The following BTBD9 variants were observed in gnomAD, a reference collection of about 807,000 sequenced individuals.
BTBD9 encodes BTB domain containing 9.
BTBD9 carries 49 observed loss-of-function variants against 64.3 expected under a neutral mutation model. That is an observed-to-expected ratio of 0.76 (90% confidence interval 0.61 to 0.97). The LOEUF (loss-of-function observed/expected upper bound fraction) is 0.97. Ranked by LOEUF, BTBD9 falls within the 50% of genes least tolerant of loss-of-function variation. BTBD9 has a pLI of 0.00. For missense variants in BTBD9, 598 were observed against 762.1 expected, an observed-to-expected ratio of 0.78 and a Z score of 2.53; for synonymous variants, 260 against 274.7, an observed-to-expected ratio of 0.95 and a Z score of 0.53.
At chr6:38,526,215 A>G (rs1313873283) in intron 6 of BTBD9, among the ~76,000 whole-genome samples, 7 of 152,224 alleles carry the variant, frequency 4.6e-5, no homozygotes, top group Non-Finnish European at 1.0e-4. Flanking sequence ...AGCCACAGCT[A>G]AAAGTGGCCA....
intron 1 of BTBD9, among the ~76,000 whole-genome samples, chr6:38,630,328 G>A (rs1778320643): frequency 6.6e-6 from 1 of 152,120 alleles, no homozygotes; most frequent in South Asian, 2.1e-4. Flanking sequence ...GCTCTAAAGG[G>A]TATTCATTGA....
intron 6 of BTBD9, among the ~76,000 whole-genome samples, chr6:38,522,087 C>T (rs950580705): frequency 2.6e-5 from 4 of 152,196 alleles, no homozygotes; most frequent in African/African-American, 7.2e-5. Flanking sequence ...TGGGCCTCCT[C>T]CTTTCTGAAG....
chr6:38,568,186 T>C (rs1775607149), intron 6 of BTBD9, among the ~76,000 whole-genome samples: 1 of 152,228 alleles, frequency 6.6e-6, no homozygotes, highest in Non-Finnish European at 1.5e-5. Context: ...AACTCTCCAC[T>C]GACAGAATTA....
intron 10 of BTBD9, among the ~76,000 whole-genome samples, chr6:38,178,304 T>G (rs1581999149): frequency 6.7e-6 from 1 of 149,592 alleles, no homozygotes; most frequent in Non-Finnish European, 1.5e-5. Flanking sequence ...AGGTGACAGG[T>G]GGGGAGGGAA....
chr6:38,179,671 G>A (rs1026014048), intron 10 of BTBD9: 1 of 456,784 alleles, frequency 2.2e-6, no homozygotes, highest in Non-Finnish European at 4.4e-6. Context: ...GCGAGTGGCA[G>A]GCTGGGAATG....
At chr6:38,382,146 A>T (rs1018453494) in intron 6 of BTBD9, among the ~76,000 whole-genome samples, 1 of 152,196 alleles carries the variant, frequency 6.6e-6, no homozygotes, top group African/African-American at 2.4e-5. Flanking sequence ...GCAGTAAGAG[A>T]GCACTGTGGT....
intron 6 of BTBD9, among the ~76,000 whole-genome samples, chr6:38,419,992 C>A (rs1198625880): frequency 1.3e-5 from 2 of 151,976 alleles, no homozygotes; most frequent in African/African-American, 4.8e-5. Context: ...TGATACTAGA[C>A]CTGAAATAGT....
intron 6 of BTBD9, among the ~76,000 whole-genome samples, chr6:38,360,701 A>G (rs564167137): frequency 2.8e-4 from 42 of 152,158 alleles, no homozygotes; most frequent in African/African-American, 9.4e-4. Context: ...TAGGAATATG[A>G]CCCTAGGACC....
At chr6:38,330,147 T>A (rs1489140128) in intron 7 of BTBD9, among the ~76,000 whole-genome samples, 7 of 151,916 alleles carry the variant, frequency 4.6e-5, no homozygotes, top group Non-Finnish European at 1.0e-4. Context: ...CTGCACCTCC[T>A]GGGTTCAAGC....
At chr6:38,626,396 A>C (rs1303100673) in intron 1 of BTBD9, among the ~76,000 whole-genome samples, 2 of 152,148 alleles carry the variant, frequency 1.3e-5, no homozygotes, top group African/African-American at 2.4e-5. Flanking sequence ...TTCAAATACT[A>C]AGTCTTATTC....
chr6:38,318,808 A>G (rs1763123653), intron 7 of BTBD9, among the ~76,000 whole-genome samples: 1 of 152,124 alleles, frequency 6.6e-6, no homozygotes, highest in Non-Finnish European at 1.5e-5. Context: ...GGGCTCTACA[A>G]TCAGCAGGTA....
At chr6:38,557,391 C>G (rs1020900494) in intron 6 of BTBD9, among the ~76,000 whole-genome samples, 1 of 152,114 alleles carries the variant, frequency 6.6e-6, no homozygotes. Context: ...TAGAGTCAGA[C>G]AGACCTCAGC....
At chr6:38,621,940 C>A (rs1186769010) in intron 1 of BTBD9, among the ~76,000 whole-genome samples, 1 of 152,204 alleles carries the variant, frequency 6.6e-6, no homozygotes, top group Non-Finnish European at 1.5e-5. Context: ...TATTCCCTGA[C>A]CAAAACAGAA....
At chr6:38,302,132 A>G (rs543738194) in intron 7 of BTBD9, among the ~76,000 whole-genome samples, 7 of 152,254 alleles carry the variant, frequency 4.6e-5, no homozygotes, top group Admixed American at 3.3e-4. Flanking sequence ...GTAGTGAAAC[A>G]TTCACAATCC....
intron 6 of BTBD9, among the ~76,000 whole-genome samples, chr6:38,498,630 A>AG (rs957489940): frequency 7.9e-5 from 12 of 152,142 alleles, no homozygotes; most frequent in African/African-American, 2.9e-4. Flanking sequence ...GGGCAACATA[A>AG]GGGGACACAT....
At chr6:38,622,957 T>G (rs953026074) in intron 1 of BTBD9, among the ~76,000 whole-genome samples, 1 of 152,032 alleles carries the variant, frequency 6.6e-6, no homozygotes, top group Non-Finnish European at 1.5e-5. Context: ...ATTACTCTCT[T>G]GAATGGTTCC....
intron 6 of BTBD9, among the ~76,000 whole-genome samples, chr6:38,371,163 G>GC (rs1471512569): frequency 6.6e-6 from 1 of 152,182 alleles, no homozygotes. Context: ...GTACTTGGCA[G>GC]CCCCCCATTG....
At chr6:38,292,362 T>C (rs549360654) in intron 7 of BTBD9, among the ~76,000 whole-genome samples, 1 of 152,328 alleles carries the variant, frequency 6.6e-6, no homozygotes, top group East Asian at 1.9e-4. Context: ...CTTCTTTTTC[T>C]ATTGTTTGGA....
chr6:38,327,635 T>C (rs577674935), intron 7 of BTBD9, among the ~76,000 whole-genome samples: 22 of 152,338 alleles, frequency 1.4e-4, no homozygotes, highest in African/African-American at 5.3e-4. Flanking sequence ...TCCTGATATA[T>C]GTAGACACTC....
Sources: allele counts gnomAD v4.1 joint callset (sites outside exome capture counted in the v4.1 genomes callset), GRCh38; gene constraint gnomAD v4.1.1; transcripts MANE v1.5; gene names NCBI Gene and HGNC (gene_info 2026-07-23, HGNC 2026-07-21).